Variants in CDH15 observed in about 807,000 individuals in gnomAD.
CDH15 encodes cadherin-15.
In CDH15, 73 loss-of-function variants were observed where a neutral mutation model predicts 69.4. The ratio of observed to expected loss-of-function variants is 1.05; its 90% CI spans 0.87 to 1.28. The LOEUF (loss-of-function observed/expected upper bound fraction) is 1.28. Among genes scored for constraint, CDH15 ranks in the 50% most tolerant of loss-of-function variants. The probability of loss-of-function intolerance (pLI) is 0.00; values close to 1 mark genes in which losing one functional copy is unlikely to be tolerated. For missense variants in CDH15, 1,343 were observed against 1,133.6 expected (o/e 1.18, Z -2.65); for synonymous variants, 624 against 507.7 (o/e 1.23, Z -3.08).
chr16:89,185,452 C>G (rs900422885), intron 5 of CDH15, 119 bp downstream of exon 5: 3 of 1,131,876 alleles, frequency 2.7e-6, no homozygotes, highest in Non-Finnish European at 3.9e-6. Flanking sequence ...CACTGCAGAG[C>G]TTGCAGTGGC....
At chr16:89,194,826 C>A in intron 13 of CDH15, 36 bp from the exon 14 acceptor site, 1 of 1,575,656 alleles carries the variant, frequency 6.3e-7, no homozygotes, top group South Asian at 1.1e-5. Context: ...CCGCTGGCCC[C>A]TCCATGTGTC....
At chr16:89,183,759 T>C in intron 4 of CDH15, 67 bp downstream of exon 4, 1 of 1,493,112 alleles carries the variant, frequency 6.7e-7, no homozygotes, top group Non-Finnish European at 9.0e-7. Context: ...GTCCAGGACT[T>C]CCCTTAAGCA....
chr16:89,194,764 C>A, intron 13 of CDH15, 98 bp from the exon 14 acceptor site: 1 of 1,252,352 alleles, frequency 8.0e-7, no homozygotes, highest in Non-Finnish European at 1.1e-6. Context: ...CCTTCCTGAG[C>A]CCGTGCCTTG....
rs945185945 is a variant in CDH15 at position 89,195,406 on chromosome 16, C to T, written c.*251C>T. ...GTCACCTCCCTAGTCCCACCTTTGCCTCCTACCAGTGAACCTCATCTTTGT... is the reference window on the plus strand; with the variant it reads ...GTCACCTCCCTAGTCCCACCTTTGCTTCCTACCAGTGAACCTCATCTTTGT... On this transcript the variant is annotated 3_prime_UTR_variant, in exon 14 of 14. Transcript: ENST00000289746. 3.7e-5 allele frequency: 20 copies of T among 537,216 alleles called. No homozygotes were observed. Among genetic ancestry groups the T allele is most frequent in the Middle Eastern group, 4.7e-4 (1 of 2,114 alleles). The allele number at this position is 537,216 out of a possible 1,614,324, so 33.3% of individuals were successfully genotyped here. A position where few individuals can be genotyped will look rare whatever the true frequency, so the allele number is the denominator to read the frequency against.
chr16:89,192,013 C>T (rs920419218), intron 10 of CDH15, 119 bp downstream of exon 10: 2 of 1,166,398 alleles, frequency 1.7e-6, no homozygotes, highest in African/African-American at 1.5e-5. Flanking sequence ...TGCAACAGGT[C>T]CCCTCCCGCC....
At chr16:89,182,088 C>T (rs1355614271) in intron 3 of CDH15, among the ~76,000 whole-genome samples, 1 of 127,776 alleles carries the variant, frequency 7.8e-6, no homozygotes, top group East Asian at 2.1e-4. Context: ...CCTGCCCTCC[C>T]CCAGCCTCCC....
At position 89,193,472 on chromosome 16, in the gene CDH15, C is replaced by T. The variant is rs771741864; in HGVS notation, c.1858C>T (p.Leu620=). 6.8e-6 allele frequency: 11 copies of T among 1,610,420 alleles called. No homozygotes were observed. The Admixed American group carries it at 1.2e-4, about 17-fold the overall frequency. Residue 620 remains leucine, a splice_region_variant and synonymous_variant, in exon 12 of 14, where the codon CTG becomes TTG. Transcript: ENST00000289746. ...GCCTGCGTCCCCTCATTCCCCAGTG[C>T]TGGTCCTGCTCGTGGCACTCCGGGC... ...VLASALLLLV[L]VLLVALRARF...
chr16:89,195,002 C>T lies in CDH15; in HGVS notation c.2292C>T (p.Asp764=), dbSNP rs1315916998. The part of the protein sequence containing the change: ...SSQGDEDQDY[D]YLRDWGPRFA... ...AGGGCGATGAGGACCAGGACTACGA[C>T]TACCTCAGAGACTGGGGGCCCCGCT... The change falls in exon 14 of 14, where the codon GAC becomes GAT. Residue 764 remains aspartate, a synonymous_variant. Coordinates refer to ENST00000289746, the MANE Select transcript of CDH15 (RefSeq NM_004933.3). 1.2e-6 allele frequency: 2 copies of T among 1,612,170 alleles called. No individual in the cohort carries two copies. Among genetic ancestry groups the T allele is most frequent in the Non-Finnish European group, 8.5e-7 (1 of 1,179,732 alleles).
Position 89,192,358 on chromosome 16 carries a change from C to A in CDH15, c.1769C>A (p.Pro590Gln), listed in dbSNP as rs1465880597. ...TGCGGCAAGGACGGCGTCTGCCTGC[C>A]GGGGGCCGCAGCGCTGCTGGCGGGG... ...CRCGKDGVCL[P>Q]GAAALLAGGT... The change falls in exon 11 of 14, where the codon CCG (proline) becomes CAG (glutamine). Residue 590 changes from proline to glutamine, a missense_variant. Pro to Gln is a moderately conservative substitution (Grantham distance 76, BLOSUM62 -1). Coordinates refer to ENST00000289746, the MANE Select transcript of CDH15 (RefSeq NM_004933.3). The A allele has an allele frequency of 6.5e-7, 1 of 1,537,482 alleles. No individual in the cohort carries two copies. The highest frequency in any genetic ancestry group is 1.4e-5 in the African/African-American group (1 of 73,180).
intron 5 of CDH15, 188 bp downstream of exon 5, chr16:89,185,521 C>G: frequency 1.4e-6 from 1 of 736,534 alleles, no homozygotes; most frequent in Non-Finnish European, 2.3e-6. Context: ...AGGAGCCGCG[C>G]TGGCCCGGGT....
intron 8 of CDH15, among the ~76,000 whole-genome samples, chr16:89,190,714 C>T (rs980792996): frequency 4.6e-5 from 7 of 152,216 alleles, no homozygotes; most frequent in African/African-American, 1.7e-4. Context: ...AGCCTGTGCA[C>T]GCCAGTCTGT....
At chr16:89,188,055 T>A (rs574151525) in intron 6 of CDH15, 45 bp from the exon 7 acceptor site, 8 of 1,543,086 alleles carry the variant, frequency 5.2e-6, no homozygotes, top group Middle Eastern at 2.0e-4. Flanking sequence ...ACCCATGCTG[T>A]CCCCCCAGCC....
rs1474955055 is a variant in CDH15, at chr16:89,183,643, C to G, written c.453C>G (p.Ala151=). The change falls in exon 4 of 14, where the codon GCC becomes GCG. Residue 151 remains alanine (A), a synonymous_variant. Coordinates refer to ENST00000289746, the MANE Select transcript of CDH15 (RefSeq NM_004933.3). ...TGGATCAGAATGACAACCGGCCAGC[C>G]TTCCTGCAGGAGGCGTTCACTGGCC... ...VVVDQNDNRP[A]FLQEAFTGRV... The G allele has an allele frequency of 6.2e-7, 1 of 1,613,646 alleles. No homozygotes were observed. The highest frequency in any genetic ancestry group is 2.2e-5 in the East Asian group (1 of 44,870).
At position 89,187,558 on chromosome 16, in the gene CDH15, G is replaced by A. The variant is rs1246791648; in HGVS notation, c.792+1G>A. On this transcript the variant is annotated splice_donor_variant, in intron 6 of 13. Coordinates refer to ENST00000289746, the MANE Select transcript of CDH15 (RefSeq NM_004933.3). LOFTEE classifies it high-confidence loss of function. The stretch of plus-strand genomic sequence containing the variant: ...TGCCCCCGAGTTCACCAGGGATGAG[G>A]TGCTGCTGCTGTCCCTCCCTCGAAA... 2 of 1,613,332 alleles carry A rather than the reference G, an allele frequency of 1.2e-6. No individual in the cohort carries two copies. The highest frequency in any genetic ancestry group is 2.7e-5 in the African/African-American group (2 of 74,948).
At chr16:89,185,356 C>A (rs1238648378) in intron 5 of CDH15, 23 bp downstream of exon 5, 1 of 1,580,300 alleles carries the variant, frequency 6.3e-7, no homozygotes, top group African/African-American at 1.3e-5. Flanking sequence ...CCCGGCAGCT[C>A]CACACCCGCA....
intron 8 of CDH15, 66 bp downstream of exon 8, chr16:89,190,562 C>T (rs1915616395): frequency 6.5e-7 from 1 of 1,542,284 alleles, no homozygotes; most frequent in Non-Finnish European, 8.8e-7. Flanking sequence ...TTCGGGTGCC[C>T]CTGATCCCTG....
At chr16:89,180,084 T>A in intron 2 of CDH15, 116 bp from the exon 3 acceptor site, 1 of 1,151,132 alleles carries the variant, frequency 8.7e-7, no homozygotes, top group Non-Finnish European at 1.3e-6. Flanking sequence ...CGTCCTCCAG[T>A]CCTAGGAGAC....
intron 1 of CDH15, among the ~76,000 whole-genome samples, chr16:89,177,253 C>T (rs796685147): frequency 1.6e-4 from 25 of 152,128 alleles, no homozygotes; most frequent in Admixed American, 1.2e-3. Flanking sequence ...GTCGGGGTAC[C>T]CTCGCCAAGG....
intron 7 of CDH15, 68 bp from the exon 8 acceptor site, chr16:89,190,175 C>G: frequency 6.3e-7 from 1 of 1,576,160 alleles, no homozygotes; most frequent in Non-Finnish European, 8.6e-7. Context: ...GTGGCTCCCC[C>G]ATGGCACCTG....
Sources: allele counts gnomAD v4.1 joint callset (sites outside exome capture counted in the v4.1 genomes callset), GRCh38; gene constraint gnomAD v4.1.1; transcripts MANE v1.5; gene names NCBI Gene and HGNC (gene_info 2026-07-23, HGNC 2026-07-21).